Variants in NEDD4 observed in about 807,000 individuals in gnomAD.
The protein encoded by NEDD4 is NEDD4 E3 ubiquitin protein ligase.
A neutral mutation model predicts 144.9 loss-of-function variants in NEDD4; 99 were observed. The observed-to-expected ratio is 0.68, with a 90% CI of 0.58 to 0.81. The LOEUF (loss-of-function observed/expected upper bound fraction) is 0.81. Among genes scored for constraint, NEDD4 ranks in the 30% least tolerant of loss-of-function variants. The probability of loss-of-function intolerance (pLI) is 0.00; values close to 1 mark genes in which losing one functional copy is unlikely to be tolerated. For synonymous variants in NEDD4, 318 were observed against 350.6 expected (o/e 0.91, Z 1.04); for missense variants, 985 against 1,065.9 (o/e 0.92, Z 1.06).
chr15:55,881,147 T>TC (rs1333151366), intron 5 of NEDD4, among the ~76,000 whole-genome samples: 1 of 150,828 alleles, frequency 6.6e-6, no homozygotes, highest in Admixed American at 6.6e-5. Context: ...TCTTTTCTTT[T>TC]TTTTTTTTTT....
At chr15:55,949,223 G>C (rs2037183816) in intron 4 of NEDD4, among the ~76,000 whole-genome samples, 1 of 152,182 alleles carries the variant, frequency 6.6e-6, no homozygotes, top group Non-Finnish European at 1.5e-5. Flanking sequence ...CTGGCCATCA[G>C]AGAAATGCAA....
intron 1 of NEDD4, among the ~76,000 whole-genome samples, chr15:55,968,941 T>C (rs1253020977): frequency 6.6e-6 from 1 of 152,108 alleles, no homozygotes; most frequent in Non-Finnish European, 1.5e-5. Flanking sequence ...ACAATTATTC[T>C]AACAAGAAAG....
intron 5 of NEDD4, among the ~76,000 whole-genome samples, chr15:55,883,741 A>C (rs1423153316): frequency 6.6e-6 from 1 of 152,050 alleles, no homozygotes; most frequent in Non-Finnish European, 1.5e-5. Context: ...AGAGAAAGAG[A>C]GAGAGAGAGA....
At chr15:55,915,853 G>A (rs574637810) in intron 5 of NEDD4, 7 of 1,613,834 alleles carry the variant, frequency 4.3e-6, no homozygotes, top group African/African-American at 1.3e-5. Context: ...TTAGATAACC[G>A]AAGTCCATTG....
intron 5 of NEDD4, among the ~76,000 whole-genome samples, chr15:55,887,115 C>T (rs374402245): frequency 2.0e-5 from 3 of 149,794 alleles, no homozygotes; most frequent in African/African-American, 7.3e-5. Context: ...CAAACCAAAC[C>T]CAAAATTAGT....
At chr15:55,933,408 T>C (rs1440824140) in intron 4 of NEDD4, among the ~76,000 whole-genome samples, 1 of 151,676 alleles carries the variant, frequency 6.6e-6, no homozygotes, top group Admixed American at 6.6e-5. Flanking sequence ...AAACCATCAT[T>C]CTGAGCAAAC....
At chr15:55,983,123 T>C (rs2037830624) in intron 1 of NEDD4, among the ~76,000 whole-genome samples, 1 of 151,396 alleles carries the variant, frequency 6.6e-6, no homozygotes, top group African/African-American at 2.4e-5. Context: ...ACTCCATCTC[T>C]TAAAAAAAAA....
intron 7 of NEDD4, among the ~76,000 whole-genome samples, chr15:55,871,926 CTTTG>C (rs569267537): frequency 1.4e-4 from 21 of 152,102 alleles, no homozygotes; most frequent in Non-Finnish European, 2.8e-4. Context: ...CATCAAGTAA[CTTTG>C]TTTGGGAAAA....
chr15:55,842,258 T>C, intron 18 of NEDD4, 95 bp from the exon 19 acceptor site: 1 of 978,300 alleles, frequency 1.0e-6, no homozygotes, highest in Non-Finnish European at 1.5e-6. Context: ...CTACACCCTG[T>C]GTCCAAGTCT....
chr15:55,882,490 T>G (rs1398990931), intron 5 of NEDD4, among the ~76,000 whole-genome samples: 5 of 152,210 alleles, frequency 3.3e-5, no homozygotes, highest in African/African-American at 1.2e-4. Flanking sequence ...CCAGAGCCGG[T>G]GGAGAATTGT....
At chr15:55,848,747 G>C in intron 15 of NEDD4, 59 bp downstream of exon 15, 2 of 1,503,266 alleles carry the variant, frequency 1.3e-6, no homozygotes, top group Non-Finnish European at 1.8e-6. Context: ...TACTATACCC[G>C]AAAATGCAAA....
At chr15:55,913,729 A>G (rs2036346333) in intron 5 of NEDD4, among the ~76,000 whole-genome samples, 1 of 152,046 alleles carries the variant, frequency 6.6e-6, no homozygotes, top group African/African-American at 2.4e-5. Context: ...TTTGATCCAC[A>G]TTTCATTAAA....
chr15:55,833,151 G>T, intron 26 of NEDD4, 47 bp from the exon 27 acceptor site: 1 of 1,177,968 alleles, frequency 8.5e-7, no homozygotes, highest in Non-Finnish European at 1.2e-6. Context: ...TGGGAAAGAG[G>T]TAAACAAATT....
At chr15:55,893,106 T>C (rs1566936616) in intron 5 of NEDD4, among the ~76,000 whole-genome samples, 1 of 152,186 alleles carries the variant, frequency 6.6e-6, no homozygotes, top group South Asian at 2.1e-4. Flanking sequence ...CAGAAGGAAA[T>C]ACTTTTCTGA....
At chr15:55,914,199 A>AGTT (rs1217538852) in intron 5 of NEDD4, among the ~76,000 whole-genome samples, 8 of 121,814 alleles carry the variant, frequency 6.6e-5, no homozygotes, top group Non-Finnish European at 1.4e-4. Context: ...CTTATCCAGA[A>AGTT]GTTTTTTTTT....
chr15:55,957,968 G>A (rs562408086), intron 2 of NEDD4, among the ~76,000 whole-genome samples: 4 of 152,210 alleles, frequency 2.6e-5, no homozygotes, highest in East Asian at 1.9e-4. Context: ...AGGGCCTGTC[G>A]TGGAGTGGGG....
At chr15:55,898,834 G>T (rs968756723) in intron 5 of NEDD4, among the ~76,000 whole-genome samples, 2 of 151,910 alleles carry the variant, frequency 1.3e-5, no homozygotes, top group Non-Finnish European at 2.9e-5. Flanking sequence ...AGAGACAGGG[G>T]TCTCACTCTG....
chr15:55,953,423 C>G (rs750370488), intron 2 of NEDD4, among the ~76,000 whole-genome samples: 15 of 151,732 alleles, frequency 9.9e-5, no homozygotes, highest in Non-Finnish European at 2.1e-4. Context: ...AGAGGCCATA[C>G]TCTTCTTTTT....
chr15:55,940,641 T>C (rs113511224), intron 4 of NEDD4, among the ~76,000 whole-genome samples: 3,104 of 151,950 alleles, frequency 0.02, 94 homozygotes, highest in African/African-American at 0.071. Flanking sequence ...TTGTCTCCCA[T>C]GTCAGCCTCC....
Sources: gnomAD v4.1 joint callset for allele counts (sites outside exome capture counted in the v4.1 genomes callset) on GRCh38, gnomAD v4.1.1 for gene constraint, MANE v1.5 for transcripts, NCBI Gene and HGNC (gene_info 2026-07-23, HGNC 2026-07-21) for gene names.